Variants in VIT observed in about 807,000 individuals in gnomAD.
The protein encoded by VIT is vitrin.
Under a neutral mutation model 78.0 loss-of-function variants are expected in VIT, and 99 were observed. The ratio of observed to expected loss-of-function variants is 1.27; its 90% confidence interval spans 1.08 to 1.50. The LOEUF is 1.50. Among genes scored for constraint, VIT ranks in the 40% most tolerant of loss-of-function variants. The pLI is 0.00. For synonymous variants in VIT, 374 were observed against 334.3 expected (o/e 1.12, Z -1.29); for missense variants, 1,126 against 875.3 (o/e 1.29, Z -3.61).
chr2:36,729,293 C>A, intron 2 of VIT, 133 bp from the exon 3 acceptor site: 1 of 659,194 alleles, frequency 1.5e-6, no homozygotes, highest in Non-Finnish European at 2.5e-6. Flanking sequence ...TTAAGTGATG[C>A]ATGACTGTAA....
chr2:36,795,393 T>C lies in VIT; in HGVS notation c.1059-5908T>C, dbSNP rs1039570117. On this transcript the variant is annotated intron_variant, in intron 12 of 15. Transcript: ENST00000379242. Reference sequence around the variant, plus strand: ...TATTTTATTTTATTTTATATTTTATTTTATATTTTATTTATTTTATTTTAT... The same window carrying C: ...TATTTTATTTTATTTTATATTTTATCTTATATTTTATTTATTTTATTTTAT... Among the ~76,000 whole-genome samples the C allele has an allele frequency of 3.1e-5, 4 of 130,706 alleles. No homozygotes were observed. In the East Asian group the frequency reaches 1.0e-3, roughly 33 times the overall value. 85.7% of individuals were successfully genotyped at this position (130,706 alleles called of 152,430 possible).
chr2:36,710,168 A>C (rs1420242711), intron 1 of VIT, among the ~76,000 whole-genome samples: 1 of 152,230 alleles, frequency 6.6e-6, no homozygotes, highest in Non-Finnish European at 1.5e-5. Context: ...TAATGATAAC[A>C]ACAATACTTC....
Position 36,743,110 on chromosome 2 carries a change from G to A in VIT, c.129G>A (p.Gln43=). The A allele has an allele frequency of 6.2e-7, 1 of 1,614,052 alleles. No homozygotes were observed. The highest frequency in any genetic ancestry group is 1.1e-5 in the South Asian group (1 of 91,064). The stretch of plus-strand genomic sequence containing the variant: ...ATTTTGTATTCCCAGCTGTGCCTCA[G>A]ATCAACTGCGATGTCAAAGCCGGAA... ...KIKRPKFTVP[Q]INCDVKAGKI... is the part of the protein sequence containing the mutation. The change falls in exon 4 of 16, where the codon CAG becomes CAA. Residue 43 remains glutamine, a synonymous_variant. Transcript: ENST00000379242.
At chr2:36,784,968 C>G (rs536292336) in intron 11 of VIT, among the ~76,000 whole-genome samples, 2 of 152,334 alleles carry the variant, frequency 1.3e-5, no homozygotes, top group East Asian at 3.9e-4. Flanking sequence ...AATAGAGAAA[C>G]AGCTCACCTT....
chr2:36,781,706 C>G, intron 9 of VIT, 21 bp from the exon 10 acceptor site: 1 of 1,613,890 alleles, frequency 6.2e-7, no homozygotes, highest in African/African-American at 1.3e-5. Context: ...AAGTTTGTTT[C>G]TTTTCAATTT....
In VIT at chr2:36,776,906, G is replaced by C. The variant is rs545065612; in HGVS notation, c.802+1839G>C. Among the ~76,000 whole-genome samples, 9 of 151,088 alleles carry C rather than the reference G, an allele frequency of 6.0e-5. No individual in the cohort carries two copies. In the South Asian group the frequency reaches 6.4e-4, roughly 11 times the overall value. On this transcript the variant is annotated intron_variant, in intron 9 of 15. Transcript: ENST00000379242. Reference sequence around the variant, plus strand: ...AGATCGAGACCATCCCGGCTAACACGGTGAAACTCCGTCTCTACTAAAAAC... The same window carrying C: ...AGATCGAGACCATCCCGGCTAACACCGTGAAACTCCGTCTCTACTAAAAAC...
chr2:36,725,056 A>T (rs1057017211), intron 2 of VIT, among the ~76,000 whole-genome samples: 1 of 152,158 alleles, frequency 6.6e-6, no homozygotes, highest in Non-Finnish European at 1.5e-5. Flanking sequence ...GGACACTCAC[A>T]CCCACTCAAA....
chr2:36,809,366 T>C (rs1666985079), intron 15 of VIT, among the ~76,000 whole-genome samples: 1 of 152,248 alleles, frequency 6.6e-6, no homozygotes, highest in Non-Finnish European at 1.5e-5. Context: ...CTATTGAATA[T>C]GTCAAATTGT....
chr2:36,806,140 G>A (rs560330341), intron 14 of VIT, among the ~76,000 whole-genome samples: 17 of 152,274 alleles, frequency 1.1e-4, no homozygotes, highest in African/African-American at 3.6e-4. Context: ...TGGGTTCTGT[G>A]GAGATGCCCA....
chr2:36,794,023 A>G (rs928588459), intron 12 of VIT, among the ~76,000 whole-genome samples: 3 of 152,202 alleles, frequency 2.0e-5, no homozygotes, highest in African/African-American at 7.2e-5. Context: ...GAGTTTTATC[A>G]TCAGGTAGGT....
chr2:36,750,757 G>T (rs1668411365), intron 4 of VIT, among the ~76,000 whole-genome samples: 1 of 151,628 alleles, frequency 6.6e-6, no homozygotes, highest in African/African-American at 2.4e-5. Flanking sequence ...GGAGGCGGAG[G>T]TTGCGGTGAG....
At chr2:36,738,250 G>A (rs1272453649) in intron 3 of VIT, among the ~76,000 whole-genome samples, 1 of 152,176 alleles carries the variant, frequency 6.6e-6, no homozygotes, top group Non-Finnish European at 1.5e-5. Context: ...TTCAGTCATG[G>A]AAGTGGCAAC....
intron 7 of VIT, among the ~76,000 whole-genome samples, chr2:36,773,100 C>T (rs552467820): frequency 1.4e-4 from 22 of 152,292 alleles, no homozygotes; most frequent in South Asian, 4.1e-4. Context: ...TGCATCAATA[C>T]CACGTTAACG....
At chr2:36,752,950 A>G (rs1009615525) in intron 4 of VIT, among the ~76,000 whole-genome samples, 1 of 152,252 alleles carries the variant, frequency 6.6e-6, no homozygotes, top group Admixed American at 6.5e-5. Flanking sequence ...AAAACATGGA[A>G]TCAACCTAAA....
intron 9 of VIT, among the ~76,000 whole-genome samples, chr2:36,776,959 G>C (rs978792036): frequency 2.0e-5 from 3 of 149,166 alleles, no homozygotes; most frequent in Non-Finnish European, 4.5e-5. Context: ...CGTGGTGGCG[G>C]GCGCCTGTAG....
At position 36,729,472 on chromosome 2, in the gene VIT, G is replaced by C. The variant is rs1667061871; in HGVS notation, c.99G>C (p.Lys33Asn). The change falls in exon 3 of 16, where the codon AAG becomes AAC. Residue 33 changes from lysine to asparagine, a missense_variant. Physicochemically the swap from Lys to Asn is moderately conservative, Grantham distance 94. Coordinates refer to ENST00000379242, the MANE Select transcript of VIT (RefSeq NM_053276.4). ...GVHSNKETAK[K>N]IKRPKFTVPQ... ...ATTCAAACAAAGAAACGGCAAAGAA[G>C]ATTAAAAGGCCCAAGTTCAGTAAGT... 1 of 1,609,122 alleles carries C rather than the reference G, an allele frequency of 6.2e-7. No individual in the cohort carries two copies. The highest frequency in any genetic ancestry group is 8.5e-7 in the Non-Finnish European group (1 of 1,177,960).
chr2:36,781,144 T>C (rs1437519517), intron 9 of VIT, among the ~76,000 whole-genome samples: 2 of 152,216 alleles, frequency 1.3e-5, no homozygotes, highest in Non-Finnish European at 2.9e-5. Context: ...GCGGATTGCC[T>C]GATCTCTGAA....
intron 3 of VIT, 144 bp from the exon 4 acceptor site, chr2:36,742,956 T>C: frequency 1.0e-6 from 1 of 995,466 alleles, no homozygotes; most frequent in South Asian, 1.7e-5. Flanking sequence ...AATTACATCT[T>C]TGCTTTCATT....
intron 3 of VIT, among the ~76,000 whole-genome samples, chr2:36,741,903 C>T (rs1293972041): frequency 6.6e-6 from 1 of 152,178 alleles, no homozygotes; most frequent in Non-Finnish European, 1.5e-5. Flanking sequence ...TCTTTAAGTT[C>T]TAGCTCACCC....
Sources: gnomAD v4.1 joint callset for allele counts (sites outside exome capture counted in the v4.1 genomes callset) on GRCh38, gnomAD v4.1.1 for gene constraint, MANE v1.5 for transcripts, NCBI Gene and HGNC (gene_info 2026-07-23, HGNC 2026-07-21) for gene names.